The following PRKD1 variants were observed in gnomAD, a reference collection of about 807,000 sequenced individuals.
The protein encoded by PRKD1 is protein kinase D1, also known as serine/threonine-protein kinase D1.
Under a neutral mutation model 95.9 loss-of-function variants are expected in PRKD1, and 63 were observed. That is an observed-to-expected ratio of 0.66 (90% CI 0.54 to 0.81). PRKD1 has a LOEUF of 0.81. Among genes scored for constraint, PRKD1 ranks in the 30% least tolerant of loss-of-function variants. The pLI is 0.00. For synonymous variants in PRKD1, 425 were observed against 423.1 expected, an observed-to-expected ratio of 1.00 and a Z score of -0.05; for missense variants, 1,048 against 1,165.3, an observed-to-expected ratio of 0.90 and a Z score of 1.47.
chr14:29,830,717 G>A (rs1415233159), intron 1 of PRKD1, among the ~76,000 whole-genome samples: 1 of 151,588 alleles, frequency 6.6e-6, no homozygotes, highest in Non-Finnish European at 1.5e-5. Flanking sequence ...TGAGACAGGA[G>A]GGTCTTCCTC....
intron 1 of PRKD1, among the ~76,000 whole-genome samples, chr14:29,858,587 C>T (rs1331806980): frequency 2.6e-5 from 4 of 152,082 alleles, no homozygotes; most frequent in African/African-American, 4.8e-5. Context: ...CTAGAGATTA[C>T]TTGTCATGAT....
intron 1 of PRKD1, among the ~76,000 whole-genome samples, chr14:29,793,122 C>A (rs1421119320): frequency 6.6e-6 from 1 of 151,968 alleles, no homozygotes; most frequent in Non-Finnish European, 1.5e-5. Context: ...GCAAAATATG[C>A]ATAAATATAC....
At chr14:29,636,076 G>A (rs1243120654) in intron 7 of PRKD1, among the ~76,000 whole-genome samples, 1 of 151,516 alleles carries the variant, frequency 6.6e-6, no homozygotes, top group East Asian at 1.9e-4. Flanking sequence ...CAATGAATGA[G>A]GTGATGCTGG....
intron 2 of PRKD1, among the ~76,000 whole-genome samples, chr14:29,703,976 G>A (rs990146841): frequency 6.6e-6 from 1 of 152,160 alleles, no homozygotes; most frequent in Non-Finnish European, 1.5e-5. Context: ...CTGGGTGCTG[G>A]ATTCTGAGAA....
At chr14:29,897,080 G>A (rs1357627166) in intron 1 of PRKD1, among the ~76,000 whole-genome samples, 2 of 151,792 alleles carry the variant, frequency 1.3e-5, no homozygotes, top group African/African-American at 2.4e-5. Context: ...GATAATAAGA[G>A]TATCTTTCTA....
chr14:29,898,640 T>C (rs1022330491), intron 1 of PRKD1, among the ~76,000 whole-genome samples: 3 of 152,150 alleles, frequency 2.0e-5, no homozygotes, highest in East Asian at 3.8e-4. Flanking sequence ...CACCACTAGA[T>C]TGATAATTCT....
intron 1 of PRKD1, among the ~76,000 whole-genome samples, chr14:29,895,716 T>C (rs1210053186): frequency 6.6e-6 from 1 of 152,138 alleles, no homozygotes; most frequent in Non-Finnish European, 1.5e-5. Flanking sequence ...ACTTTTGCAC[T>C]GACTGTTCTT....
Position 29,663,691 on chromosome 14 carries a change from A to C in PRKD1, c.696+8T>G. 6.2e-7 allele frequency: 1 copy of C among 1,612,964 alleles called. No individual in the cohort carries two copies. Among genetic ancestry groups the C allele is most frequent in the East Asian group, 2.2e-5 (1 of 44,838 alleles). ...TAAATGGGGAAGTGGGTAAACAGGA[A>C]GCCATACCAGAAGGGGCTCATCAGG... On this transcript the variant is annotated splice_region_variant and intron_variant, in intron 4 of 17. Coordinates refer to ENST00000331968, the MANE Select transcript of PRKD1 (RefSeq NM_002742.3).
intron 2 of PRKD1, among the ~76,000 whole-genome samples, chr14:29,681,243 G>A (rs1883523674): frequency 6.6e-6 from 1 of 152,168 alleles, no homozygotes; most frequent in Admixed American, 6.5e-5. Context: ...GCTCTGTCGA[G>A]TTCTATATTG....
chr14:29,616,323 A>G (rs373572371), intron 13 of PRKD1, among the ~76,000 whole-genome samples: 2 of 149,862 alleles, frequency 1.3e-5, no homozygotes, highest in African/African-American at 4.9e-5. Context: ...GACAAGAGGG[A>G]AATTTATAAA....
At chr14:29,852,476 G>A (rs558374460) in intron 1 of PRKD1, among the ~76,000 whole-genome samples, 1 of 151,956 alleles carries the variant, frequency 6.6e-6, no homozygotes, top group East Asian at 1.9e-4. Flanking sequence ...CAGAGCCAAA[G>A]GGACCTGTGG....
intron 17 of PRKD1, among the ~76,000 whole-genome samples, chr14:29,577,927 T>G (rs1445562682): frequency 6.6e-6 from 1 of 152,174 alleles, no homozygotes; most frequent in African/African-American, 2.4e-5. Context: ...CATCTATTTG[T>G]ACATTTATCA....
At chr14:29,800,970 T>C (rs1890003635) in intron 1 of PRKD1, among the ~76,000 whole-genome samples, 1 of 152,176 alleles carries the variant, frequency 6.6e-6, no homozygotes, top group Non-Finnish European at 1.5e-5. Flanking sequence ...GAGTTTAAAG[T>C]AATGCAATAA....
chr14:29,770,930 C>CAAAAAAAAAAAAAAAAAAAAAAGAAAA (rs753745571), intron 1 of PRKD1, among the ~76,000 whole-genome samples: 3 of 47,154 alleles, frequency 6.4e-5, no homozygotes, highest in East Asian at 5.3e-4. Context: ...AGACACTGTC[C>CAAAAAAAAAAAAAAAAAAAAAAGAAAA]AAAAAAAAAA....
At position 29,616,243 on chromosome 14, in the gene PRKD1, C is replaced by CAAAAAA. The variant is rs72142312; in HGVS notation, c.1905+7903_1905+7908dup. Among the ~76,000 whole-genome samples the CAAAAAA allele has an allele frequency of 4.6e-3, 157 of 33,958 alleles. 28 individuals are homozygous for CAAAAAA. The highest frequency in any genetic ancestry group is 0.018 in the African/African-American group (143 of 7,834). The allele number at this position is 33,958 out of a possible 152,430, so 22.3% of individuals were successfully genotyped here. Reference sequence around the variant, plus strand: ...GAGCCTTAGAAATCAAGAGTATGGCCAAAAAAAAAAAAAAAAAAAAAAGCC... The same window carrying CAAAAAA: ...GAGCCTTAGAAATCAAGAGTATGGCCAAAAAAAAAAAAAAAAAAAAAAAAAAAAGCC... On this transcript the variant is annotated intron_variant, in intron 13 of 17. Coordinates refer to ENST00000331968, the MANE Select transcript of PRKD1 (RefSeq NM_002742.3).
intron 10 of PRKD1, among the ~76,000 whole-genome samples, chr14:29,630,069 C>G (rs1251640893): frequency 6.9e-6 from 1 of 145,760 alleles, no homozygotes; most frequent in Non-Finnish European, 1.5e-5. Flanking sequence ...CTTTCTCTTC[C>G]TCTTCCTCTT....
chr14:29,727,307 A>T (rs1886207352), intron 1 of PRKD1, among the ~76,000 whole-genome samples: 1 of 152,036 alleles, frequency 6.6e-6, no homozygotes, highest in Non-Finnish European at 1.5e-5. Flanking sequence ...CCTTTGTCAG[A>T]TGAGTAGGTT....
intron 16 of PRKD1, among the ~76,000 whole-genome samples, chr14:29,579,637 T>A (rs1220311496): frequency 2.6e-5 from 4 of 152,152 alleles, no homozygotes; most frequent in African/African-American, 9.6e-5. Flanking sequence ...TCCTTCCCAG[T>A]GTCAGGCAAA....
chr14:29,594,361 T>A (rs1893228913), intron 16 of PRKD1, among the ~76,000 whole-genome samples: 1 of 152,160 alleles, frequency 6.6e-6, no homozygotes. Context: ...ATACGATCGA[T>A]CTTTGGTTAC....
Sources: gnomAD v4.1 joint callset for allele counts (sites outside exome capture counted in the v4.1 genomes callset) on GRCh38, gnomAD v4.1.1 for gene constraint, MANE v1.5 for transcripts, NCBI Gene and HGNC (gene_info 2026-07-23, HGNC 2026-07-21) for gene names.